AP2B1: variants seen among roughly 807,000 people sequenced by gnomAD.
AP2B1 encodes the protein adaptor related protein complex 2 subunit beta 1.
In AP2B1, 23 loss-of-function variants were observed where a neutral mutation model predicts 102.0. The ratio of observed to expected loss-of-function variants is 0.23; its 90% CI spans 0.16 to 0.32. The LOEUF (loss-of-function observed/expected upper bound fraction) is 0.32. AP2B1 is among the 10% of genes least tolerant of loss of function. The pLI, the probability that AP2B1 is intolerant of heterozygous loss-of-function variation, is 1.00. For synonymous variants in AP2B1, 381 were observed against 421.2 expected (o/e 0.90, Z 1.17); for missense variants, 541 against 1,157.4 (o/e 0.47, Z 7.73).
intron 5 of AP2B1, among the ~76,000 whole-genome samples, chr17:35,609,622 C>T (rs1420539443): frequency 6.6e-6 from 1 of 152,136 alleles, no homozygotes; most frequent in Non-Finnish European, 1.5e-5. Context: ...GTTGGGATTA[C>T]ATGTGTGAGC....
At chr17:35,652,338 G>T (rs900530208) in intron 13 of AP2B1, among the ~76,000 whole-genome samples, 4 of 152,140 alleles carry the variant, frequency 2.6e-5, no homozygotes, top group Non-Finnish European at 4.4e-5. Context: ...GCTCTCTTCT[G>T]CAATGTGAGG....
chr17:35,684,183 T>C (rs948295014), intron 18 of AP2B1, among the ~76,000 whole-genome samples: 23 of 152,056 alleles, frequency 1.5e-4, no homozygotes, highest in African/African-American at 5.3e-4. Flanking sequence ...GCTCACAATT[T>C]AACAGGAGAG....
At chr17:35,671,345 A>G (rs547783109) in intron 15 of AP2B1, among the ~76,000 whole-genome samples, 2 of 152,308 alleles carry the variant, frequency 1.3e-5, no homozygotes, top group East Asian at 3.9e-4. Flanking sequence ...TGGGAAAGGA[A>G]ATAAGACTTT....
chr17:35,653,050 C>T (rs2075128189), intron 13 of AP2B1, among the ~76,000 whole-genome samples: 2 of 152,112 alleles, frequency 1.3e-5, no homozygotes, highest in African/African-American at 4.8e-5. Context: ...CTTTGCAGTT[C>T]CATGTTTCTT....
chr17:35,699,966 C>T (rs2076211443), intron 18 of AP2B1, among the ~76,000 whole-genome samples: 1 of 151,992 alleles, frequency 6.6e-6, no homozygotes, highest in Admixed American at 6.6e-5. Context: ...CATGGTGGCA[C>T]ATGCGTGTAG....
intron 3 of AP2B1, among the ~76,000 whole-genome samples, chr17:35,598,757 A>C (rs1223029695): frequency 6.6e-6 from 1 of 152,258 alleles, no homozygotes; most frequent in Admixed American, 6.5e-5. Flanking sequence ...CAAGATGAAA[A>C]TCAATGTTAA....
intron 9 of AP2B1, among the ~76,000 whole-genome samples, chr17:35,628,455 T>C (rs1264754872): frequency 6.6e-6 from 1 of 152,160 alleles, no homozygotes; most frequent in African/African-American, 2.4e-5. Context: ...TTTTTTAAGT[T>C]AGCTGGGTGT....
chr17:35,608,321 C>A lies in AP2B1; in HGVS notation c.459C>A (p.Ala153=). 1.9e-6 allele frequency: 3 copies of A among 1,614,090 alleles called. No individual in the cohort carries two copies. The East Asian group carries it at 6.7e-5, about 36-fold the overall frequency. Residue 153 remains alanine (A), a synonymous_variant, in exon 5 of 22, where the codon GCC becomes GCA. Transcript: ENST00000610402. ...TGGCAAAACTCCATGATATCAATGCCCAAATGGTGGAAGATCAGGGATTTC... is the reference window on the plus strand; with the variant it reads ...TGGCAAAACTCCATGATATCAATGCACAAATGGTGGAAGATCAGGGATTTC... The part of the protein sequence containing the change: ...VCVAKLHDIN[A]QMVEDQGFLD...
At chr17:35,659,016 G>GAC (rs1279621153) in intron 14 of AP2B1, among the ~76,000 whole-genome samples, 2 of 152,118 alleles carry the variant, frequency 1.3e-5, no homozygotes, top group Non-Finnish European at 2.9e-5. Context: ...TCTTTCTTGG[G>GAC]AATATAAGCA....
At chr17:35,590,074 C>T (rs370150880) in intron 1 of AP2B1, among the ~76,000 whole-genome samples, 45 of 151,880 alleles carry the variant, frequency 3.0e-4, no homozygotes, top group African/African-American at 1.1e-3. Context: ...TACAGGCGCC[C>T]GCCACACGCC....
At chr17:35,617,682 A>G (rs888957544) in intron 5 of AP2B1, among the ~76,000 whole-genome samples, 4 of 152,142 alleles carry the variant, frequency 2.6e-5, no homozygotes, top group African/African-American at 9.7e-5. Context: ...GTGGTTTGCC[A>G]GTATATCAAG....
At chr17:35,720,215 G>T (rs187393324) in intron 21 of AP2B1, among the ~76,000 whole-genome samples, 4 of 152,220 alleles carry the variant, frequency 2.6e-5, no homozygotes, top group African/African-American at 9.6e-5. Context: ...TTTAGATGCA[G>T]ATTCTCTGGT....
At chr17:35,619,808 A>G (rs2074122352) in intron 5 of AP2B1, among the ~76,000 whole-genome samples, 1 of 152,102 alleles carries the variant, frequency 6.6e-6, no homozygotes. Flanking sequence ...TTTTGGAGAC[A>G]GAGTCTCATT....
chr17:35,639,745 C>T lies in AP2B1; in HGVS notation c.1422C>T (p.His474=), dbSNP rs925357404. The change falls in exon 11 of 22, where the codon CAC becomes CAT. Residue 474 remains histidine (H), a synonymous_variant. Transcript: ENST00000610402. ...ELLESFLEGF[H]DESTQVQLTL... is the part of the protein sequence containing the mutation. Reference sequence around the variant, plus strand: ...TAGAAAGCTTCCTGGAGGGTTTTCACGATGAAAGCACCCAGGTAAGTTCTT... The same window carrying T: ...TAGAAAGCTTCCTGGAGGGTTTTCATGATGAAAGCACCCAGGTAAGTTCTT... 3.1e-6 allele frequency: 5 copies of T among 1,613,552 alleles called. No homozygotes were observed. Among genetic ancestry groups the T allele is most frequent in the Non-Finnish European group, 4.2e-6 (5 of 1,179,758 alleles).
At chr17:35,613,261 T>C (rs1319344223) in intron 5 of AP2B1, among the ~76,000 whole-genome samples, 1 of 150,590 alleles carries the variant, frequency 6.6e-6, no homozygotes, top group Non-Finnish European at 1.5e-5. Flanking sequence ...CACTAGAATA[T>C]CTGCAGAAAT....
intron 14 of AP2B1, among the ~76,000 whole-genome samples, chr17:35,665,326 A>G (rs144668061): frequency 3.7e-4 from 56 of 152,056 alleles, no homozygotes; most frequent in Middle Eastern, 3.4e-3. Flanking sequence ...TGGTTTTGCC[A>G]TGTTATTCAG....
At chr17:35,656,778 G>A (rs2075236167) in intron 13 of AP2B1, among the ~76,000 whole-genome samples, 1 of 152,020 alleles carries the variant, frequency 6.6e-6, no homozygotes, top group Non-Finnish European at 1.5e-5. Context: ...CCAACTACTT[G>A]GGAGGCTGAG....
chr17:35,662,892 T>C (rs1431134451), intron 14 of AP2B1, among the ~76,000 whole-genome samples: 2 of 152,216 alleles, frequency 1.3e-5, no homozygotes, highest in African/African-American at 4.8e-5. Flanking sequence ...CAAAGTGCCC[T>C]TTCTCTGTGC....
chr17:35,629,020 C>A (rs1474178927), intron 9 of AP2B1, among the ~76,000 whole-genome samples: 2 of 151,842 alleles, frequency 1.3e-5, no homozygotes, highest in Non-Finnish European at 2.9e-5. Context: ...ATGATCTCGG[C>A]TCACTGCAAC....
Sources: allele counts gnomAD v4.1 joint callset (sites outside exome capture counted in the v4.1 genomes callset), GRCh38; gene constraint gnomAD v4.1.1; transcripts MANE v1.5; gene names NCBI Gene and HGNC (gene_info 2026-07-23, HGNC 2026-07-21).